TBC1D30: variants seen among roughly 807,000 people sequenced by gnomAD.
TBC1D30 encodes the protein TBC1 domain family, member 30.
A neutral mutation model predicts 63.2 loss-of-function variants in TBC1D30; 31 were observed. The ratio of observed to expected loss-of-function variants is 0.49; its 90% CI spans 0.37 to 0.66. TBC1D30 has a LOEUF of 0.66. Among genes scored for constraint, TBC1D30 ranks in the 30% least tolerant of loss-of-function variants. The pLI is 0.00. For synonymous variants in TBC1D30, 307 were observed against 361.5 expected (o/e 0.85, Z 1.71); for missense variants, 810 against 953.6 (o/e 0.85, Z 1.98).
intron 8 of TBC1D30, among the ~76,000 whole-genome samples, chr12:64,861,407 T>A (rs915592341): frequency 1.3e-5 from 2 of 152,218 alleles, no homozygotes; most frequent in African/African-American, 2.4e-5. Context: ...CATTTTTTTT[T>A]AATTTAGTGC....
intron 10 of TBC1D30, among the ~76,000 whole-genome samples, chr12:64,867,664 A>G (rs1488846766): frequency 6.6e-6 from 1 of 151,766 alleles, no homozygotes; most frequent in Non-Finnish European, 1.5e-5. Context: ...TGCTTAATAT[A>G]CTCCATCTGA....
chr12:64,839,057 AT>A (rs1875614751), intron 7 of TBC1D30, among the ~76,000 whole-genome samples: 1 of 152,144 alleles, frequency 6.6e-6, no homozygotes, highest in South Asian at 2.1e-4. Flanking sequence ...AGGCCTGTAG[AT>A]TCTCCCACTC....
Position 64,875,618 on chromosome 12 carries a change from A to G in TBC1D30, c.2116A>G (p.Thr706Ala). The change falls in exon 12 of 12, where the codon ACC becomes GCC. Residue 706 changes from threonine (T) to alanine (A), a missense_variant. This residue lies in a region of TBC1D30 where 450 missense variants were observed against 473.0 expected (regional missense o/e 0.95). Coordinates refer to ENST00000539867, the MANE Select transcript of TBC1D30 (RefSeq NM_015279.2). Reference sequence around the variant, plus strand: ...AGCTCCCCAAGGCAGCAACTCAAAAACCCCCATCTTTAGCCCTTTTCCCAG... The same window carrying G: ...AGCTCCCCAAGGCAGCAACTCAAAAGCCCCCATCTTTAGCCCTTTTCCCAG... Reference protein sequence around the residue: ...SKAPQGSNSKTPIFSPFPSVK... With the variant: ...SKAPQGSNSKAPIFSPFPSVK... 6.5e-7 allele frequency: 1 copy of G among 1,535,542 alleles called. No homozygotes were observed. Among genetic ancestry groups the G allele is most frequent in the Non-Finnish European group, 8.7e-7 (1 of 1,146,814 alleles).
Position 64,875,344 on chromosome 12 carries a change from T to C in TBC1D30, c.1842T>C (p.Cys614=). 6.5e-7 allele frequency: 1 copy of C among 1,536,228 alleles called. No homozygotes were observed. Among genetic ancestry groups the C allele is most frequent in the Non-Finnish European group, 8.7e-7 (1 of 1,146,908 alleles). The part of the protein sequence containing the change: ...LGAAEAFPSG[C]TATAGREGSS... Reference sequence around the variant, plus strand: ...CAGCAGAGGCATTCCCCTCTGGTTGTACAGCGACAGCTGGGAGAGAAGGCA... The same window carrying C: ...CAGCAGAGGCATTCCCCTCTGGTTGCACAGCGACAGCTGGGAGAGAAGGCA... The change falls in exon 12 of 12, where the codon TGT becomes TGC. Residue 614 remains cysteine, a synonymous_variant. Transcript: ENST00000539867.
Position 64,876,919 on chromosome 12 carries a change from C to T in TBC1D30, c.*1131C>T, listed in dbSNP as rs1025111830. 1 of 455,950 alleles carries T rather than the reference C, an allele frequency of 2.2e-6. No homozygotes were observed. Among genetic ancestry groups the T allele is most frequent in the African/African-American group, 2.0e-5 (1 of 50,074 alleles). The allele number at this position is 455,950 out of a possible 1,614,324, so 28.2% of individuals were successfully genotyped here. The stretch of plus-strand genomic sequence containing the variant: ...TCTGAGCCACACAGAGGTGAAGTAG[C>T]ACTTCAGTTACTCAAGGTCAGTACT... On this transcript the variant is annotated 3_prime_UTR_variant, in exon 12 of 12. Transcript: ENST00000539867.
chr12:64,852,037 G>T (rs1174056211), intron 8 of TBC1D30, among the ~76,000 whole-genome samples: 2 of 139,892 alleles, frequency 1.4e-5, no homozygotes, highest in Non-Finnish European at 2.9e-5. Context: ...TGGTGTTCTC[G>T]TATTTCCTGA....
At chr12:64,780,793 C>T (rs1428169019) in exon 1 of TBC1D30, 6 of 990,512 alleles carry the variant, frequency 6.1e-6, no homozygotes, top group Middle Eastern at 5.0e-4. Context: ...AGCCGGGCAG[C>T]CGCGCGCCGG....
chr12:64,848,266 T>C (rs966652829), intron 8 of TBC1D30, among the ~76,000 whole-genome samples: 1 of 152,072 alleles, frequency 6.6e-6, no homozygotes, highest in South Asian at 2.1e-4. Flanking sequence ...TTTCAGTCTA[T>C]GTGTATCTTT....
intron 1 of TBC1D30, among the ~76,000 whole-genome samples, chr12:64,765,528 A>G (rs1270114672): frequency 6.8e-6 from 1 of 146,186 alleles, no homozygotes; most frequent in Non-Finnish European, 1.5e-5. Flanking sequence ...AAATTACTAT[A>G]TAGGCTCCCA....
intron 11 of TBC1D30, 127 bp from the exon 12 acceptor site, chr12:64,874,874 C>A: frequency 1.2e-6 from 1 of 863,642 alleles, no homozygotes; most frequent in Non-Finnish European, 1.7e-6. Flanking sequence ...GACTCTGCCC[C>A]TCCCTGGGGA....
chr12:64,836,318 G>A (rs1160599714), intron 5 of TBC1D30, among the ~76,000 whole-genome samples, 172 bp from the exon 6 acceptor site: 1 of 152,178 alleles, frequency 6.6e-6, no homozygotes, highest in Admixed American at 6.5e-5. Flanking sequence ...ATGCTCCCTA[G>A]CCAGGCTGTA....
exon 1 of TBC1D30, chr12:64,780,966 G>T: frequency 9.5e-7 from 1 of 1,054,602 alleles, no homozygotes; most frequent in South Asian, 2.4e-5. Context: ...GAGCGGCCGC[G>T]GCGCTCCCGG....
At chr12:64,851,212 A>G (rs1288483773) in intron 8 of TBC1D30, among the ~76,000 whole-genome samples, 2 of 151,996 alleles carry the variant, frequency 1.3e-5, no homozygotes, top group African/African-American at 4.8e-5. Flanking sequence ...TAATCTTTTC[A>G]AAAAACCACC....
In TBC1D30 at chr12:64,843,372, T is replaced by G; in HGVS notation, c.933-8T>G. The G allele has an allele frequency of 6.5e-7, 1 of 1,535,764 alleles. No homozygotes were observed. The highest frequency in any genetic ancestry group is 8.7e-7 in the Non-Finnish European group (1 of 1,146,408). ...ACAAGTTGTATTTTCTGTCCTTTCTTTATCTAGGCAGATAGAATGTTGTGA... is the reference window on the plus strand; with the variant it reads ...ACAAGTTGTATTTTCTGTCCTTTCTGTATCTAGGCAGATAGAATGTTGTGA... On this transcript the variant is annotated splice_polypyrimidine_tract_variant and splice_region_variant and intron_variant, in intron 7 of 11. Transcript: ENST00000539867.
rs2136361413 is a variant in TBC1D30, at chr12:64,827,823, T to A, written c.155-12T>A. On this transcript the variant is annotated splice_polypyrimidine_tract_variant and intron_variant, in intron 1 of 11. Transcript: ENST00000539867. ...TCCAAAAATAACATCTATTTATGTA[T>A]TTTTCTTTCAGGAGTTGATACCAAG... 6.6e-7 allele frequency: 1 copy of A among 1,522,884 alleles called. No homozygotes were observed. Among genetic ancestry groups the A allele is most frequent in the Admixed American group, 2.0e-5 (1 of 50,380 alleles). The allele number at this position is 1,522,884 out of a possible 1,614,324, so 94.3% of individuals were successfully genotyped here. A position where few individuals can be genotyped will look rare whatever the true frequency, so the allele number is the denominator to read the frequency against.
chr12:64,846,115 G>A (rs964603282), intron 8 of TBC1D30, among the ~76,000 whole-genome samples: 1 of 151,202 alleles, frequency 6.6e-6, no homozygotes, highest in African/African-American at 2.4e-5. Flanking sequence ...CTTTTCAGAT[G>A]AGTAGTTTGC....
intron 2 of TBC1D30, among the ~76,000 whole-genome samples, chr12:64,810,785 T>G (rs559267412): frequency 1.5e-4 from 23 of 152,364 alleles, no homozygotes; most frequent in Admixed American, 1.4e-3. Context: ...TTTGACTTTC[T>G]TCTCCTGGGA....
intron 2 of TBC1D30, among the ~76,000 whole-genome samples, chr12:64,786,970 AAAAT>A (rs761046757): frequency 6.6e-6 from 1 of 152,036 alleles, no homozygotes; most frequent in South Asian, 2.1e-4. Flanking sequence ...AATAAAAATA[AAAAT>A]AAATAAATAA....
chr12:64,775,807 A>G (rs918017865), upstream of TBC1D30, among the ~76,000 whole-genome samples: 5 of 151,914 alleles, frequency 3.3e-5, no homozygotes, highest in African/African-American at 9.7e-5. Context: ...AACTCTCCAC[A>G]TGAAAACAAC....
Sources: allele counts gnomAD v4.1 joint callset (sites outside exome capture counted in the v4.1 genomes callset), GRCh38; gene constraint gnomAD v4.1.1; regional missense constraint gnomAD v4.1.1; transcripts MANE v1.5; gene names NCBI Gene and HGNC (gene_info 2026-07-23, HGNC 2026-07-21).